Variants in MAP2K5 observed in about 807,000 individuals in gnomAD.
MAP2K5 encodes the protein dual specificity mitogen-activated protein kinase kinase 5.
MAP2K5 carries 49 observed loss-of-function variants against 83.1 expected under a neutral mutation model. The ratio of observed to expected loss-of-function variants is 0.59; its 90% CI spans 0.47 to 0.75. The LOEUF (loss-of-function observed/expected upper bound fraction) is 0.75, where lower values mean the gene tolerates loss of function less well. Ranked by LOEUF, MAP2K5 falls within the 30% of genes least tolerant of loss-of-function variation. The pLI is 0.00. For missense variants in MAP2K5, 457 were observed against 557.5 expected, an observed-to-expected ratio of 0.82 and a Z score of 1.82; for synonymous variants, 202 against 191.8, an observed-to-expected ratio of 1.05 and a Z score of -0.44.
intron 6 of MAP2K5, among the ~76,000 whole-genome samples, chr15:67,592,620 G>A (rs567658204): frequency 2.0e-5 from 3 of 152,274 alleles, no homozygotes; most frequent in East Asian, 1.9e-4. Context: ...CCTCTGAAAG[G>A]CTATCTAAAG....
rs2089664805 is a variant in MAP2K5, at chr15:67,748,982, A to G, written c.1134+381A>G. ...CAAGGGTCAGAGTTGAAGAGCAAGC[A>G]TAAGCTGGATGAAATTTGCCTGCCT... On this transcript the variant is annotated intron_variant, in intron 19 of 21. Transcript: ENST00000178640. The surrounding 1 kb of genome is among the most constrained non-coding windows in gnomAD (Gnocchi z 4.0). Among the ~76,000 whole-genome samples the G allele has an allele frequency of 6.6e-6, 1 of 152,236 alleles. No homozygotes were observed. Among genetic ancestry groups the G allele is most frequent in the Admixed American group, 6.5e-5 (1 of 15,280 alleles).
At chr15:67,616,462 T>C (rs1052358534) in intron 8 of MAP2K5, among the ~76,000 whole-genome samples, 5 of 152,144 alleles carry the variant, frequency 3.3e-5, no homozygotes, top group Admixed American at 2.6e-4. Flanking sequence ...TTTTTACCTC[T>C]GCCATGTCTC....
chr15:67,753,162 C>T (rs982209223), intron 19 of MAP2K5, among the ~76,000 whole-genome samples: 1 of 152,050 alleles, frequency 6.6e-6, no homozygotes, highest in African/African-American at 2.4e-5. Context: ...TAAATTTGGA[C>T]CCCTACCTTT....
intron 12 of MAP2K5, among the ~76,000 whole-genome samples, chr15:67,663,445 C>T (rs1201825717): frequency 6.6e-6 from 1 of 152,170 alleles, no homozygotes; most frequent in Non-Finnish European, 1.5e-5. Flanking sequence ...GACCTAAACA[C>T]TTCCTTTTCT....
chr15:67,713,115 G>A (rs1258704644), intron 16 of MAP2K5, among the ~76,000 whole-genome samples: 1 of 152,080 alleles, frequency 6.6e-6, no homozygotes, highest in Non-Finnish European at 1.5e-5. Flanking sequence ...CCTTCTCTTA[G>A]TATTCCTATA....
chr15:67,689,117 C>T (rs529596957), intron 13 of MAP2K5, among the ~76,000 whole-genome samples: 67 of 152,238 alleles, frequency 4.4e-4, no homozygotes, highest in African/African-American at 1.6e-3. Context: ...AAGCTGAGTG[C>T]AGTGGCAAAC....
At chr15:67,715,159 C>A (rs1224244062) in intron 16 of MAP2K5, among the ~76,000 whole-genome samples, 1 of 151,868 alleles carries the variant, frequency 6.6e-6, no homozygotes, top group African/African-American at 2.4e-5. Context: ...CAGTTTCTGT[C>A]ACTCATTCCC....
At position 67,720,946 on chromosome 15, in the gene MAP2K5, T is replaced by C. The variant is rs1040192509; in HGVS notation, c.1045-6970T>C. ...GTTGAGACCTCAATGTATCACGCTT[T>C]TCAGCATTCATGGTTAGGCTATAGC... On this transcript the variant is annotated intron_variant, in intron 16 of 21. Transcript: ENST00000178640. This position sits in a 1 kb window ranked among gnomAD's most constrained non-coding sequence, Gnocchi z 5.7. Among the ~76,000 whole-genome samples, 2 of 152,318 alleles carry C rather than the reference T, an allele frequency of 1.3e-5. No individual in the cohort carries two copies. Among genetic ancestry groups the C allele is most frequent in the Middle Eastern group, 3.4e-3 (1 of 294 alleles).
In MAP2K5 at chr15:67,803,082, G is replaced by A. The variant is rs144603842; in HGVS notation, c.1243-3564G>A. Among the ~76,000 whole-genome samples, 4 of 152,352 alleles carry A rather than the reference G, an allele frequency of 2.6e-5. No individual in the cohort carries two copies. The East Asian group carries it at 5.8e-4, about 22-fold the overall frequency. On this transcript the variant is annotated intron_variant, in intron 21 of 21. Coordinates refer to ENST00000178640, the MANE Select transcript of MAP2K5 (RefSeq NM_145160.3). ...CAGCACAATGGAGATGCATAGCTGT[G>A]TGTGGGCCACAGTGAGCATGGGAGC... is the stretch of plus-strand genomic sequence containing the variant.
At chr15:67,589,808 TG>T (rs2085360016) in intron 6 of MAP2K5, among the ~76,000 whole-genome samples, 1 of 151,814 alleles carries the variant, frequency 6.6e-6, no homozygotes, top group African/African-American at 2.4e-5. Context: ...TGTGTGTGTG[TG>T]TGTGTGTATA....
At chr15:67,609,941 A>G (rs762222155) in intron 8 of MAP2K5, among the ~76,000 whole-genome samples, 1 of 152,024 alleles carries the variant, frequency 6.6e-6, no homozygotes, top group East Asian at 1.9e-4. Flanking sequence ...AGAGATGGAC[A>G]GGGCTTGATC....
chr15:67,715,492 A>G (rs1421767811), intron 16 of MAP2K5, among the ~76,000 whole-genome samples: 1 of 152,232 alleles, frequency 6.6e-6, no homozygotes, highest in Non-Finnish European at 1.5e-5. Context: ...GCTGTCGGGA[A>G]CAACCATGAG....
chr15:67,752,115 G>A (rs971235405), intron 19 of MAP2K5, among the ~76,000 whole-genome samples: 2 of 152,012 alleles, frequency 1.3e-5, no homozygotes, highest in African/African-American at 4.8e-5. Context: ...GCCCAGGCTG[G>A]AGTGGAGTGG....
chr15:67,595,976 CT>C (rs11335365), intron 7 of MAP2K5, among the ~76,000 whole-genome samples: 98,243 of 144,966 alleles, frequency 0.68, 33,548 homozygotes, highest in Middle Eastern at 0.78. Context: ...GTTATTTTTT[CT>C]TTTTTTTTTT....
intron 17 of MAP2K5, among the ~76,000 whole-genome samples, chr15:67,735,707 G>A (rs2089325196): frequency 6.6e-6 from 1 of 152,204 alleles, no homozygotes; most frequent in Admixed American, 6.5e-5. Context: ...TTGAGCCGAG[G>A]CTCTGAGGCA....
Position 67,720,462 on chromosome 15 carries a change from C to T in MAP2K5, c.1045-7454C>T, listed in dbSNP as rs2088932447. On this transcript the variant is annotated intron_variant, in intron 16 of 21. Coordinates refer to ENST00000178640, the MANE Select transcript of MAP2K5 (RefSeq NM_145160.3). The surrounding 1 kb of genome is among the most constrained non-coding windows in gnomAD (Gnocchi z 5.7). Reference sequence around the variant, plus strand: ...TTTTGGGACAGCAGGGTTAGAAAGACCAAGAAACATTTAAAGATTCAAAAC... The same window carrying T: ...TTTTGGGACAGCAGGGTTAGAAAGATCAAGAAACATTTAAAGATTCAAAAC... 6.6e-6 allele frequency among the ~76,000 whole-genome samples: 1 copy of T among 151,964 alleles called. No individual in the cohort carries two copies. The highest frequency in any genetic ancestry group is 2.4e-5 in the African/African-American group (1 of 41,370).
intron 8 of MAP2K5, among the ~76,000 whole-genome samples, chr15:67,602,150 G>A (rs925079103): frequency 6.6e-6 from 1 of 152,110 alleles, no homozygotes; most frequent in Non-Finnish European, 1.5e-5. Context: ...TCCTTCCCAC[G>A]CAACCTCCAC....
At chr15:67,687,438 C>A (rs1217613558) in intron 13 of MAP2K5, among the ~76,000 whole-genome samples, 1 of 152,190 alleles carries the variant, frequency 6.6e-6, no homozygotes, top group Non-Finnish European at 1.5e-5. Flanking sequence ...ACATTGTTAT[C>A]CTAAAATCGC....
chr15:67,770,527 CCTT>C lies in MAP2K5; in HGVS notation c.1196+868_1196+870del, dbSNP rs1026777331. Among the ~76,000 whole-genome samples, 21 of 152,326 alleles carry C rather than the reference CCTT, an allele frequency of 1.4e-4. No individual in the cohort carries two copies. The highest frequency in any genetic ancestry group is 1.3e-4 in the Admixed American group (2 of 15,290). On this transcript the variant is annotated intron_variant, in intron 20 of 21. Coordinates refer to ENST00000178640, the MANE Select transcript of MAP2K5 (RefSeq NM_145160.3). This position sits in a 1 kb window ranked among gnomAD's most constrained non-coding sequence, Gnocchi z 5.0. The stretch of plus-strand genomic sequence containing the variant: ...GCAGGAGACAAAACCAACCGCAACT[CCTT>C]CTTAACTACGTTGGTCTTCTTTCCC...
Sources: gnomAD v4.1 joint callset for allele counts (sites outside exome capture counted in the v4.1 genomes callset) on GRCh38, gnomAD v4.1.1 for gene constraint, Gnocchi (gnomAD v3.1) non-coding constraint, MANE v1.5 for transcripts, NCBI Gene and HGNC (gene_info 2026-07-23, HGNC 2026-07-21) for gene names.